PSAP: variants seen among roughly 807,000 people sequenced by gnomAD.
The protein encoded by PSAP is prosaposin.
In PSAP, 25 loss-of-function variants were observed where a neutral mutation model predicts 66.0. That is an observed-to-expected ratio of 0.38 (90% CI 0.28 to 0.53). PSAP has a LOEUF of 0.53. PSAP is among the 20% of genes least tolerant of loss of function. PSAP has a pLI of 0.83. For missense variants in PSAP, 649 were observed against 668.8 expected, an observed-to-expected ratio of 0.97 and a Z score of 0.33; for synonymous variants, 273 against 258.9, an observed-to-expected ratio of 1.05 and a Z score of -0.52.
intron 1 of PSAP, among the ~76,000 whole-genome samples, chr10:71,850,928 C>A (rs1842916045): frequency 6.6e-6 from 1 of 152,210 alleles, no homozygotes; most frequent in African/African-American, 2.4e-5. Context: ...GCGCAGGAAC[C>A]CACTCGAGCC....
Position 71,828,046 on chromosome 10 carries a change from A to C in PSAP, c.688T>G (p.Cys230Gly). The change falls in exon 6 of 14, where the codon TGT becomes GGT. Residue 230 changes from cysteine to glycine, a missense_variant. Coordinates refer to ENST00000394936, the MANE Select transcript of PSAP (RefSeq NM_002778.4). ...QALVEHVKEE[C>G]DRLGPGMADI... ...GCCATGCCAGGGCCCAGGCGGTCAC[A>C]CTCCTCCTTGACATGTTCCACCAAG... is the stretch of plus-strand genomic sequence containing the variant. 1.2e-6 allele frequency: 2 copies of C among 1,613,922 alleles called. No homozygotes were observed. The highest frequency in any genetic ancestry group is 1.1e-5 in the South Asian group (1 of 91,068).
At chr10:71,823,222 GC>G (rs899370734) in intron 7 of PSAP, among the ~76,000 whole-genome samples, 2 of 152,156 alleles carry the variant, frequency 1.3e-5, no homozygotes, top group African/African-American at 4.8e-5. Context: ...GTTCAGGACG[GC>G]CCCGAAGGAC....
At chr10:71,817,719 A>G (rs1045709869) in intron 13 of PSAP, among the ~76,000 whole-genome samples, 7 of 151,472 alleles carry the variant, frequency 4.6e-5, no homozygotes, top group Non-Finnish European at 8.8e-5. Context: ...CAGTTTGCAG[A>G]TGAGTACCCA....
At position 71,844,198 on chromosome 10, in the gene PSAP, AT is replaced by A. The variant is rs1457224351; in HGVS notation, c.40+6983del. On this transcript the variant is annotated intron_variant, in intron 1 of 13. Transcript: ENST00000394936. ...TTATGGAATGGCAACTGCCAAGATC[AT>A]TTGAGAGCACTTCTACAATTGTTAG... Among the ~76,000 whole-genome samples, 11 of 152,382 alleles carry A rather than the reference AT, an allele frequency of 7.2e-5. No homozygotes were observed. In the East Asian group the frequency reaches 2.1e-3, roughly 29 times the overall value.
intron 1 of PSAP, among the ~76,000 whole-genome samples, chr10:71,839,671 C>A (rs28535035): frequency 6.6e-6 from 1 of 151,606 alleles, no homozygotes; most frequent in African/African-American, 2.4e-5. Flanking sequence ...CCTGGCAACA[C>A]GACAAAACCC....
At chr10:71,838,638 C>A (rs187306483) in intron 1 of PSAP, among the ~76,000 whole-genome samples, 34 of 152,246 alleles carry the variant, frequency 2.2e-4, no homozygotes, top group African/African-American at 8.2e-4. Context: ...CCTCAGTAGT[C>A]CCAGCTACCA....
chr10:71,841,309 A>G (rs185986932), intron 1 of PSAP, among the ~76,000 whole-genome samples: 21 of 152,386 alleles, frequency 1.4e-4, no homozygotes, highest in African/African-American at 4.8e-4. Flanking sequence ...GGTTTCATGC[A>G]AACCTCATTA....
At chr10:71,836,174 G>C (rs763694958) in intron 1 of PSAP, among the ~76,000 whole-genome samples, 1 of 152,126 alleles carries the variant, frequency 6.6e-6, no homozygotes, top group Non-Finnish European at 1.5e-5. Context: ...CGTCCAGTTC[G>C]CAACCTCAAC....
chr10:71,822,357 T>C (rs1417083598), intron 7 of PSAP, among the ~76,000 whole-genome samples: 1 of 152,144 alleles, frequency 6.6e-6, no homozygotes, highest in African/African-American at 2.4e-5. Flanking sequence ...TCACTCTAGG[T>C]AGGAACTAAG....
chr10:71,845,448 C>CTCCT (rs1245054327), intron 1 of PSAP, among the ~76,000 whole-genome samples: 4 of 151,976 alleles, frequency 2.6e-5, no homozygotes, highest in African/African-American at 9.7e-5. Flanking sequence ...GAGCAACAAG[C>CTCCT]AAAACAGTCA....
At chr10:71,824,105 G>A (rs948799368) in intron 7 of PSAP, among the ~76,000 whole-genome samples, 1 of 152,110 alleles carries the variant, frequency 6.6e-6, no homozygotes, top group Non-Finnish European at 1.5e-5. Flanking sequence ...AGCTTTCCTG[G>A]CCCTGCAGGG....
intron 1 of PSAP, among the ~76,000 whole-genome samples, chr10:71,844,289 C>T (rs145367566): frequency 2.9e-3 from 445 of 152,312 alleles, no homozygotes; most frequent in Middle Eastern, 0.014. Context: ...TCCATGTACA[C>T]AAGGAGACAT....
At chr10:71,839,394 C>T (rs1017954547) in intron 1 of PSAP, among the ~76,000 whole-genome samples, 1 of 152,100 alleles carries the variant, frequency 6.6e-6, no homozygotes, top group Non-Finnish European at 1.5e-5. Flanking sequence ...CGCCTGCCAC[C>T]ATGCCCAGCT....
At chr10:71,846,503 TC>T (rs1472578451) in intron 1 of PSAP, among the ~76,000 whole-genome samples, 5 of 148,988 alleles carry the variant, frequency 3.4e-5, no homozygotes, top group Non-Finnish European at 7.4e-5. Context: ...GGCAGACAGA[TC>T]ACTTGAGGTC....
intron 12 of PSAP, 133 bp from the exon 13 acceptor site, chr10:71,818,857 G>A (rs1842232207): frequency 1.1e-5 from 11 of 1,040,756 alleles, no homozygotes; most frequent in East Asian, 2.5e-5. Context: ...GAACATCAGG[G>A]TTGCTGAGGA....
chr10:71,825,921 C>G (rs1176620187), intron 6 of PSAP, 28 bp from the exon 7 acceptor site: 74 of 1,595,020 alleles, frequency 4.6e-5, no homozygotes, highest in Non-Finnish European at 6.2e-5. Flanking sequence ...GATTGCTAAA[C>G]AAATCACTGC....
At chr10:71,851,097 A>T (rs1842919768) in intron 1 of PSAP, 85 bp downstream of exon 1, 2 of 1,473,030 alleles carry the variant, frequency 1.4e-6, no homozygotes, top group Middle Eastern at 4.5e-4. Flanking sequence ...GGGGGAGCAG[A>T]GGGGCCAGGC....
chr10:71,826,494 T>A (rs1170926062), intron 6 of PSAP, among the ~76,000 whole-genome samples: 1 of 152,224 alleles, frequency 6.6e-6, no homozygotes, highest in Non-Finnish European at 1.5e-5. Context: ...AATGGTGTTA[T>A]GCAAAGACAC....
chr10:71,831,215 A>T lies in PSAP; in HGVS notation c.286T>A (p.Trp96Arg). 2 of 1,614,126 alleles carry T rather than the reference A, an allele frequency of 1.2e-6. No homozygotes were observed. Among genetic ancestry groups the T allele is most frequent in the Non-Finnish European group, 1.7e-6 (2 of 1,179,992 alleles). ...ILVYLEKTCDWLPKPNMSASC... is the reference protein window; with the variant it reads ...ILVYLEKTCDRLPKPNMSASC... The stretch of plus-strand genomic sequence containing the variant: ...GCAGACATGTTCGGTTTCGGAAGCC[A>T]GTCACAGGTCTTCTCCAAGTAAACA... The change falls in exon 4 of 14, where the codon TGG becomes AGG. Residue 96 changes from tryptophan to arginine, a missense_variant. Physicochemically the swap from Trp to Arg is moderately radical, Grantham distance 101 (BLOSUM62 -3). Transcript: ENST00000394936.
Sources: allele counts gnomAD v4.1 joint callset (sites outside exome capture counted in the v4.1 genomes callset), GRCh38; gene constraint gnomAD v4.1.1; transcripts MANE v1.5; gene names NCBI Gene and HGNC (gene_info 2026-07-23, HGNC 2026-07-21).